The following ARHGAP20 variants were observed in gnomAD, a reference collection of about 807,000 sequenced individuals.
The protein encoded by ARHGAP20 is Rho GTPase activating protein 20.
A neutral mutation model predicts 73.7 loss-of-function variants in ARHGAP20; 34 were observed. The ratio of observed to expected loss-of-function variants is 0.46; its 90% CI spans 0.35 to 0.61. The LOEUF (loss-of-function observed/expected upper bound fraction) is 0.61, where lower values mean the gene tolerates loss of function less well. Ranked by LOEUF, ARHGAP20 falls within the 20% of genes least tolerant of loss-of-function variation. ARHGAP20 has a pLI of 0.00. For synonymous variants in ARHGAP20, 523 were observed against 518.2 expected (o/e 1.01, Z -0.13); for missense variants, 1,314 against 1,420.9 (o/e 0.92, Z 1.21).
chr11:110,670,594 C>A (rs1949808808), intron 2 of ARHGAP20, among the ~76,000 whole-genome samples: 2 of 151,988 alleles, frequency 1.3e-5, no homozygotes, highest in South Asian at 4.1e-4. Flanking sequence ...AAACAAAACT[C>A]AACCCTAGAT....
chr11:110,604,088 A>T (rs1948168423), intron 9 of ARHGAP20, among the ~76,000 whole-genome samples: 1 of 152,126 alleles, frequency 6.6e-6, no homozygotes. Context: ...TTCTCCTGTT[A>T]TGTAACACTT....
intron 12 of ARHGAP20, 49 bp downstream of exon 12, chr11:110,586,166 TA>T: frequency 1.0e-6 from 1 of 971,436 alleles, no homozygotes; most frequent in Non-Finnish European, 1.4e-6. Context: ...AATAATCTTA[TA>T]AAATATTTTT....
chr11:110,645,199 G>A (rs756610199), intron 2 of ARHGAP20, among the ~76,000 whole-genome samples: 7 of 151,832 alleles, frequency 4.6e-5, no homozygotes, highest in Admixed American at 2.6e-4. Context: ...TAGTAGAGAC[G>A]GGGTTTCACC....
chr11:110,593,949 C>A (rs924059026), intron 9 of ARHGAP20, among the ~76,000 whole-genome samples: 2 of 152,142 alleles, frequency 1.3e-5, no homozygotes, highest in Non-Finnish European at 2.9e-5. Flanking sequence ...CTTATGACAC[C>A]AAACTAAAAC....
Position 110,693,263 on chromosome 11 carries a change from T to C in ARHGAP20, c.106-2634A>G, listed in dbSNP as rs112069865. 2.7e-3 allele frequency among the ~76,000 whole-genome samples: 416 copies of C among 151,992 alleles called. 1 individual carries two copies. Among genetic ancestry groups the C allele is most frequent in the African/African-American group, 9.5e-3 (393 of 41,508 alleles). ...ATGCAATCAAACTACCAGCAGGTAG[T>C]TTGTTTTTATTTCAGGTTCCATTGT... On this transcript the variant is annotated intron_variant, in intron 1 of 14. Coordinates refer to ENST00000683387, the MANE Select transcript of ARHGAP20 (RefSeq NM_001384657.1).
chr11:110,622,013 T>C (rs1313683905), intron 4 of ARHGAP20, among the ~76,000 whole-genome samples: 3 of 152,242 alleles, frequency 2.0e-5, no homozygotes, highest in Non-Finnish European at 4.4e-5. Flanking sequence ...ATGTGGGGTT[T>C]GGTGATCAGC....
chr11:110,658,640 T>C (rs1949526767), intron 2 of ARHGAP20, among the ~76,000 whole-genome samples: 1 of 152,120 alleles, frequency 6.6e-6, no homozygotes, highest in Non-Finnish European at 1.5e-5. Flanking sequence ...ATTTACAAGG[T>C]AGAGTTTAGC....
At chr11:110,671,427 A>G (rs1425610520) in intron 2 of ARHGAP20, among the ~76,000 whole-genome samples, 1 of 152,116 alleles carries the variant, frequency 6.6e-6, no homozygotes, top group Non-Finnish European at 1.5e-5. Flanking sequence ...ATATTTCCCT[A>G]CTTAAGATCA....
intron 3 of ARHGAP20, among the ~76,000 whole-genome samples, chr11:110,628,307 C>T (rs1056518500): frequency 5.3e-5 from 8 of 152,150 alleles, no homozygotes; most frequent in African/African-American, 1.7e-4. Context: ...CAGGGTAACA[C>T]TCAATCCTTC....
rs1247091422 is a variant in ARHGAP20 at position 110,690,945 on chromosome 11, CTA to C, written c.106-318_106-317del. On this transcript the variant is annotated intron_variant, in intron 1 of 14. Transcript: ENST00000683387. ...ATTACTGGTTATCATGTGTCTGGCT[CTA>C]TGCTAAAGGCTGGACATGGATTACC... The C allele has an allele frequency of 6.9e-6, 10 of 1,450,468 alleles. No individual in the cohort carries two copies. In the Admixed American group the frequency reaches 8.2e-5, roughly 12 times the overall value. The allele number at this position is 1,450,468 out of a possible 1,614,324, so 89.8% of individuals were successfully genotyped here.
At chr11:110,581,848 A>C (rs1466914597) in intron 14 of ARHGAP20, among the ~76,000 whole-genome samples, 2 of 151,868 alleles carry the variant, frequency 1.3e-5, no homozygotes, top group African/African-American at 4.8e-5. Flanking sequence ...CCCCACCTCA[A>C]ATGATGCTAG....
At chr11:110,619,423 G>GTAGAGTATATGCAGTGA (rs1845386011) in intron 4 of ARHGAP20, among the ~76,000 whole-genome samples, 3 of 140,438 alleles carry the variant, frequency 2.1e-5, no homozygotes, top group Non-Finnish European at 4.6e-5. Context: ...ATATGCAGTG[G>GTAGAGTATATGCAGTGA]TAGAGTATAT....
intron 8 of ARHGAP20, among the ~76,000 whole-genome samples, chr11:110,607,820 C>T (rs1197833425): frequency 3.3e-5 from 5 of 152,150 alleles, no homozygotes; most frequent in Admixed American, 1.3e-4. Flanking sequence ...TGTCCTATGT[C>T]TCATTGTTTT....
chr11:110,644,711 C>T (rs1467870376), intron 2 of ARHGAP20, among the ~76,000 whole-genome samples: 1 of 152,062 alleles, frequency 6.6e-6, no homozygotes, highest in Non-Finnish European at 1.5e-5. Flanking sequence ...TAGGAAATAC[C>T]ATTCTCAATA....
chr11:110,592,549 A>G (rs763922449), intron 9 of ARHGAP20, among the ~76,000 whole-genome samples: 1 of 152,214 alleles, frequency 6.6e-6, no homozygotes, highest in Non-Finnish European at 1.5e-5. Flanking sequence ...AAAAGTTTAA[A>G]TAAGACTATA....
intron 2 of ARHGAP20, among the ~76,000 whole-genome samples, chr11:110,633,325 A>G (rs147350144): frequency 1.6e-4 from 25 of 152,248 alleles, no homozygotes; most frequent in African/African-American, 5.3e-4. Context: ...CCTTCTTAAA[A>G]TCACGACTAT....
intron 2 of ARHGAP20, among the ~76,000 whole-genome samples, chr11:110,681,839 T>C (rs1056412376): frequency 2.6e-5 from 4 of 152,152 alleles, no homozygotes; most frequent in Admixed American, 2.6e-4. Context: ...CCTCACTCTA[T>C]TATCTGTACC....
intron 2 of ARHGAP20, among the ~76,000 whole-genome samples, chr11:110,670,188 T>G (rs1337841647): frequency 1.3e-5 from 2 of 152,092 alleles, no homozygotes; most frequent in Non-Finnish European, 2.9e-5. Flanking sequence ...AATCACACAC[T>G]TTATGTGTGC....
At chr11:110,702,870 C>G (rs1469842829) in intron 1 of ARHGAP20, among the ~76,000 whole-genome samples, 1 of 152,048 alleles carries the variant, frequency 6.6e-6, no homozygotes, top group African/African-American at 2.4e-5. Flanking sequence ...AACCACTGCT[C>G]AACGAAATAA....
Sources: gnomAD v4.1 joint callset for allele counts (sites outside exome capture counted in the v4.1 genomes callset) on GRCh38, gnomAD v4.1.1 for gene constraint, MANE v1.5 for transcripts, NCBI Gene and HGNC (gene_info 2026-07-23, HGNC 2026-07-21) for gene names.